Variants in LDB3 observed in about 807,000 individuals in gnomAD.
The protein encoded by LDB3 is LIM domain-binding protein 3.
A neutral mutation model predicts 69.0 loss-of-function variants in LDB3; 49 were observed. The observed-to-expected ratio is 0.71, with a 90% CI of 0.56 to 0.90. The LOEUF (loss-of-function observed/expected upper bound fraction) is 0.90, where lower values mean the gene tolerates loss of function less well. Ranked by LOEUF, LDB3 falls within the 40% of genes least tolerant of loss-of-function variation. LDB3 has a pLI of 0.00. For missense variants in LDB3, 928 were observed against 974.1 expected (o/e 0.95, Z 0.63); for synonymous variants, 387 against 396.2 (o/e 0.98, Z 0.28).
chr10:86,717,081 C>T (rs1846906121), intron 10 of LDB3, among the ~76,000 whole-genome samples: 1 of 152,182 alleles, frequency 6.6e-6, no homozygotes, highest in Non-Finnish European at 1.5e-5. Context: ...CCAGGCTTGT[C>T]AGTAGGTTTA....
At chr10:86,711,390 C>A (rs1846658147) in intron 9 of LDB3, among the ~76,000 whole-genome samples, 1 of 152,026 alleles carries the variant, frequency 6.6e-6, no homozygotes, top group East Asian at 1.9e-4. Context: ...GTTCCCAGGC[C>A]GCGCAGACAT....
At chr10:86,672,025 C>T (rs11202118) in intron 2 of LDB3, among the ~76,000 whole-genome samples, 43,546 of 152,022 alleles carry the variant, frequency 0.29, 7,220 homozygotes, top group East Asian at 0.46. Context: ...GGCAGGAGAA[C>T]AGCTTGAACC....
In LDB3 at chr10:86,682,019, T is replaced by G. The variant is rs41284059; in HGVS notation, c.689+216T>G. ...CACGCTGGGGTGACATGTCGGATTT[T>G]GCAGAGGAGGAAACTGAGGCTCAGA... On this transcript the variant is annotated intron_variant, in intron 5 of 13. Coordinates refer to ENST00000361373, the MANE Select transcript of LDB3 (RefSeq NM_007078.3). Among the ~76,000 whole-genome samples the G allele has an allele frequency of 2.6e-3, 394 of 152,328 alleles. 1 individual carries two copies. Among genetic ancestry groups the G allele is most frequent in the Non-Finnish European group, 4.9e-3 (335 of 68,032 alleles).
chr10:86,712,832 G>A (rs1029924937), intron 9 of LDB3, among the ~76,000 whole-genome samples: 1 of 152,186 alleles, frequency 6.6e-6, no homozygotes, highest in Non-Finnish European at 1.5e-5. Flanking sequence ...AGGCCGAGGC[G>A]GGCGGATCAT....
At chr10:86,713,930 C>G (rs1021280828) in intron 9 of LDB3, among the ~76,000 whole-genome samples, 3 of 152,160 alleles carry the variant, frequency 2.0e-5, no homozygotes, top group Non-Finnish European at 4.4e-5. Context: ...CCTCCTCTCC[C>G]CCAACCCTAG....
intron 7 of LDB3, among the ~76,000 whole-genome samples, chr10:86,706,076 C>T (rs1246805315): frequency 6.6e-6 from 1 of 152,216 alleles, no homozygotes; most frequent in Non-Finnish European, 1.5e-5. Flanking sequence ...AAGCCCTTGA[C>T]ACTCAAATAT....
chr10:86,688,805 A>G (rs1430139801), intron 5 of LDB3, among the ~76,000 whole-genome samples: 1 of 152,162 alleles, frequency 6.6e-6, no homozygotes, highest in Non-Finnish European at 1.5e-5. Context: ...GCTCTTCACT[A>G]ACTTTCTGTT....
chr10:86,711,619 C>T (rs1316743964), intron 9 of LDB3, among the ~76,000 whole-genome samples: 1 of 151,662 alleles, frequency 6.6e-6, no homozygotes, highest in Non-Finnish European at 1.5e-5. Context: ...GCGGGGAGCC[C>T]GCGCGGGACC....
rs1847560256 is a variant in LDB3 at position 86,734,272 on chromosome 10, AG to A, written c.*1300del. 1 of 152,214 alleles carries A rather than the reference AG, an allele frequency of 6.6e-6. No individual in the cohort carries two copies. The highest frequency in any genetic ancestry group is 2.4e-5 in the African/African-American group (1 of 41,452). 9.4% of individuals were successfully genotyped at this position (152,214 alleles called of 1,614,324 possible). On this transcript the variant is annotated 3_prime_UTR_variant, in exon 14 of 14. Transcript: ENST00000361373. Reference sequence around the variant, plus strand: ...ATTATTTAAGTATTTATTGAAGTAGAGGGGCCTTCAAACTACTTTATACTAG... The same window carrying A: ...ATTATTTAAGTATTTATTGAAGTAGAGGGCCTTCAAACTACTTTATACTAG...
intron 7 of LDB3, among the ~76,000 whole-genome samples, chr10:86,704,880 C>A (rs1846389131): frequency 6.6e-6 from 1 of 152,102 alleles, no homozygotes; most frequent in African/African-American, 2.4e-5. Flanking sequence ...CTGTGCCCGG[C>A]CTAATTTTGT....
At position 86,699,239 on chromosome 10, in the gene LDB3, TTCTC is replaced by T. The variant is rs71019410; in HGVS notation, c.896+6694_896+6697del. 0.13 allele frequency: 190,430 copies of T among 1,518,936 alleles called. 1,315 individuals are homozygous for T. The highest frequency in any genetic ancestry group is 0.17 in the African/African-American group (12,203 of 72,492). 94.1% of individuals were successfully genotyped at this position (1,518,936 alleles called of 1,614,324 possible). On this transcript the variant is annotated intron_variant, in intron 7 of 13. Coordinates refer to ENST00000361373, the MANE Select transcript of LDB3 (RefSeq NM_007078.3). The surrounding 1 kb of genome is among the most constrained non-coding windows in gnomAD (Gnocchi z 4.9). ...TCTCTCTTTCTGTCTCTGTCTCTGT[TTCTC>T]TCTCTCTCTCTCTCTCTCTCTCTCT... is the stretch of plus-strand genomic sequence containing the variant.
chr10:86,695,313 G>A (rs905686402), intron 7 of LDB3, among the ~76,000 whole-genome samples: 8 of 152,154 alleles, frequency 5.3e-5, no homozygotes, highest in African/African-American at 1.9e-4. Context: ...TGCCTCCAAG[G>A]TCCACCCCCA....
Position 86,706,653 on chromosome 10 carries a change from C to G in LDB3, c.1019C>G (p.Ala340Gly). The G allele has an allele frequency of 6.2e-7, 1 of 1,613,120 alleles. No individual in the cohort carries two copies. The highest frequency in any genetic ancestry group is 8.5e-7 in the Non-Finnish European group (1 of 1,179,902). ...SAASPPLATAAAHTAIASAST... is the reference protein window; with the variant it reads ...SAASPPLATAGAHTAIASAST... ...GCTTCGCCACCCCTGGCCACAGCTG[C>G]TGCCCACACTGCCATCGCCTCCGCC... Residue 340 changes from alanine to glycine, a missense_variant, in exon 8 of 14, where the codon GCT becomes GGT. By Grantham distance (60) the Ala-to-Gly change is moderately conservative (BLOSUM62 0). Transcript: ENST00000361373.
In LDB3 at chr10:86,679,262, A is replaced by G. The variant is rs571185551; in HGVS notation, c.94-105A>G. On this transcript the variant is annotated intron_variant, in intron 2 of 13. Transcript: ENST00000361373. Reference sequence around the variant, plus strand: ...CTGGCCGTAGCGAATGAAAAACACAATGACGGCTTCTGTTGAATACTCCCG... The same window carrying G: ...CTGGCCGTAGCGAATGAAAAACACAGTGACGGCTTCTGTTGAATACTCCCG... 7 of 1,422,678 alleles carry G rather than the reference A, an allele frequency of 4.9e-6. No individual in the cohort carries two copies. The East Asian group carries it at 6.9e-5, about 14-fold the overall frequency. The allele number at this position is 1,422,678 out of a possible 1,614,324, so 88.1% of individuals were successfully genotyped here. A position where few individuals can be genotyped will look rare whatever the true frequency, so the allele number is the denominator to read the frequency against.
At chr10:86,714,382 G>A (rs1485512314) in intron 9 of LDB3, among the ~76,000 whole-genome samples, 1 of 152,064 alleles carries the variant, frequency 6.6e-6, no homozygotes, top group African/African-American at 2.4e-5. Context: ...AGGCAGCTTG[G>A]GATGATAGAA....
chr10:86,699,888 G>A lies in LDB3; in HGVS notation c.897-6643G>A, dbSNP rs1846185697. 1 of 1,010,600 alleles carries A rather than the reference G, an allele frequency of 9.9e-7. No homozygotes were observed. Among genetic ancestry groups the A allele is most frequent in the Non-Finnish European group, 1.2e-6 (1 of 844,188 alleles). The allele number at this position is 1,010,600 out of a possible 1,614,324, so 62.6% of individuals were successfully genotyped here. On this transcript the variant is annotated intron_variant, in intron 7 of 13. Transcript: ENST00000361373. This position sits in a 1 kb window ranked among gnomAD's most constrained non-coding sequence, Gnocchi z 4.9. ...GCCCGGAATAGGGCTCTTTGAAGAGGAAGTAGAAGCCCCAGGGTAATGAGG... is the reference window on the plus strand; with the variant it reads ...GCCCGGAATAGGGCTCTTTGAAGAGAAAGTAGAAGCCCCAGGGTAATGAGG...
chr10:86,671,412 G>A (rs1398638323), intron 2 of LDB3, among the ~76,000 whole-genome samples: 1 of 152,140 alleles, frequency 6.6e-6, no homozygotes, highest in Non-Finnish European at 1.5e-5. Flanking sequence ...GCAACTTTGG[G>A]GCAGCAGCAG....
intron 9 of LDB3, among the ~76,000 whole-genome samples, chr10:86,711,868 G>A (rs1432011858): frequency 1.3e-5 from 2 of 150,656 alleles, no homozygotes; most frequent in African/African-American, 2.4e-5. Context: ...GGCCCGGCCC[G>A]GCGTGAGTCA....
intron 5 of LDB3, among the ~76,000 whole-genome samples, chr10:86,688,823 C>T (rs1845624856): frequency 6.6e-6 from 1 of 152,176 alleles, no homozygotes; most frequent in African/African-American, 2.4e-5. Flanking sequence ...GTTTTCTGCA[C>T]GTTGGGAAGA....
Sources: allele counts gnomAD v4.1 joint callset (sites outside exome capture counted in the v4.1 genomes callset), GRCh38; gene constraint gnomAD v4.1.1; non-coding constraint Gnocchi (gnomAD v3.1); transcripts MANE v1.5; gene names NCBI Gene and HGNC (gene_info 2026-07-23, HGNC 2026-07-21).